STXBP5L: variants seen among roughly 807,000 people sequenced by gnomAD.
STXBP5L encodes the protein syntaxin-binding protein 5-like.
A neutral mutation model predicts 144.5 loss-of-function variants in STXBP5L; 65 were observed. That is an observed-to-expected ratio of 0.45 (90% confidence interval 0.37 to 0.55). The LOEUF (loss-of-function observed/expected upper bound fraction) is 0.55. Among genes scored for constraint, STXBP5L ranks in the 20% least tolerant of loss-of-function variants. STXBP5L has a pLI of 0.00. For missense variants in STXBP5L, 1,298 were observed against 1,405.5 expected (o/e 0.92, Z 1.22); for synonymous variants, 505 against 469.6 (o/e 1.08, Z -0.97).
At chr3:121,072,481 T>C (rs1299683137) in intron 5 of STXBP5L, among the ~76,000 whole-genome samples, 4 of 152,252 alleles carry the variant, frequency 2.6e-5, no homozygotes, top group Non-Finnish European at 5.9e-5. Context: ...CTTTCCTTGA[T>C]GAAACTGCTT....
chr3:121,412,610 T>C (rs2047137402), intron 23 of STXBP5L, among the ~76,000 whole-genome samples: 1 of 151,784 alleles, frequency 6.6e-6, no homozygotes, highest in African/African-American at 2.4e-5. Flanking sequence ...TTCCCAATTA[T>C]CTCTTAAAGT....
chr3:121,149,387 G>T (rs945544533), intron 7 of STXBP5L, among the ~76,000 whole-genome samples: 37 of 151,736 alleles, frequency 2.4e-4, no homozygotes, highest in African/African-American at 9.0e-4. Context: ...TTATTTAATG[G>T]GGAAACACTA....
chr3:121,334,471 T>C (rs888124123), intron 20 of STXBP5L, among the ~76,000 whole-genome samples: 1 of 151,836 alleles, frequency 6.6e-6, no homozygotes, highest in Non-Finnish European at 1.5e-5. Context: ...GACAATAGCC[T>C]TGATGGTCAT....
intron 20 of STXBP5L, among the ~76,000 whole-genome samples, chr3:121,347,975 C>T (rs1052278324): frequency 2.6e-5 from 4 of 152,126 alleles, no homozygotes; most frequent in African/African-American, 7.2e-5. Flanking sequence ...ATTGCCCTGG[C>T]CAGAACTTCC....
At chr3:121,047,426 G>A (rs1257412617) in intron 5 of STXBP5L, among the ~76,000 whole-genome samples, 1 of 152,000 alleles carries the variant, frequency 6.6e-6, no homozygotes, top group East Asian at 1.9e-4. Context: ...CTGACTGGAT[G>A]GTCTATCTAA....
intron 3 of STXBP5L, among the ~76,000 whole-genome samples, chr3:121,022,682 A>C (rs1945647757): frequency 6.6e-6 from 1 of 152,202 alleles, no homozygotes; most frequent in Admixed American, 6.5e-5. Flanking sequence ...CAATAGACAC[A>C]GAAAAGGCAT....
At chr3:121,266,329 C>T (rs1395085437) in intron 18 of STXBP5L, among the ~76,000 whole-genome samples, 1 of 152,200 alleles carries the variant, frequency 6.6e-6, no homozygotes, top group African/African-American at 2.4e-5. Flanking sequence ...TCAACATGTG[C>T]AAATCAATAA....
At chr3:121,031,609 C>G (rs1946375381) in intron 3 of STXBP5L, among the ~76,000 whole-genome samples, 1 of 151,938 alleles carries the variant, frequency 6.6e-6, no homozygotes, top group African/African-American at 2.4e-5. Flanking sequence ...GAAGGCCAAT[C>G]CATATTATGA....
chr3:121,155,075 C>A (rs567993997), intron 8 of STXBP5L, among the ~76,000 whole-genome samples: 1 of 151,890 alleles, frequency 6.6e-6, no homozygotes, highest in East Asian at 1.9e-4. Flanking sequence ...TCAATATATC[C>A]TTCATTAACA....
chr3:121,258,295 A>G (rs1272004946), intron 17 of STXBP5L, among the ~76,000 whole-genome samples: 3 of 152,214 alleles, frequency 2.0e-5, no homozygotes, highest in Non-Finnish European at 2.9e-5. Context: ...CTGCATATCT[A>G]CATTTGCCAC....
At chr3:121,134,720 G>A (rs1460884044) in intron 7 of STXBP5L, among the ~76,000 whole-genome samples, 9 of 152,218 alleles carry the variant, frequency 5.9e-5, no homozygotes, top group South Asian at 4.2e-4. Flanking sequence ...CCATGTCCCT[G>A]CAAAGGACAT....
At chr3:121,207,536 T>C (rs951091849) in intron 10 of STXBP5L, among the ~76,000 whole-genome samples, 10 of 152,178 alleles carry the variant, frequency 6.6e-5, no homozygotes, top group Non-Finnish European at 1.0e-4. Context: ...ACCATCATAG[T>C]GAACAGGCAA....
rs577434747 is a variant in STXBP5L at position 121,092,360 on chromosome 3, G to T, written c.471-22565G>T. Among the ~76,000 whole-genome samples, 17 of 152,104 alleles carry T rather than the reference G, an allele frequency of 1.1e-4. No individual in the cohort carries two copies. The East Asian group carries it at 2.9e-3, about 26-fold the overall frequency. On this transcript the variant is annotated intron_variant, in intron 5 of 26. Transcript: ENST00000471454. ...GCATTGAATCTATAAATTACCTTGG[G>T]CAGTATGGCCATTTTCACGATATTG...
chr3:121,364,979 G>T (rs1228990969), intron 20 of STXBP5L, among the ~76,000 whole-genome samples: 2 of 151,794 alleles, frequency 1.3e-5, no homozygotes, highest in East Asian at 3.9e-4. Context: ...GATCAGGTGG[G>T]TTTTTCCCCT....
intron 7 of STXBP5L, among the ~76,000 whole-genome samples, chr3:121,135,757 C>T (rs1174476017): frequency 6.6e-6 from 1 of 152,170 alleles, no homozygotes; most frequent in Admixed American, 6.5e-5. Flanking sequence ...TCCTAACAGG[C>T]CACAGACTGG....
At chr3:121,374,607 A>T (rs922434335) in intron 20 of STXBP5L, among the ~76,000 whole-genome samples, 1 of 152,202 alleles carries the variant, frequency 6.6e-6, no homozygotes, top group South Asian at 2.1e-4. Flanking sequence ...AAAGAGATAG[A>T]TATCATAAAA....
chr3:121,160,595 T>G (rs2046287460), intron 9 of STXBP5L, among the ~76,000 whole-genome samples: 1 of 152,106 alleles, frequency 6.6e-6, no homozygotes, highest in East Asian at 1.9e-4. Flanking sequence ...TGGATTTGGG[T>G]ATAGGAGGGG....
Position 121,005,801 on chromosome 3 carries a change from C to T in STXBP5L, c.288-35899C>T, listed in dbSNP as rs144701322. ...AACATCTTTATTTCTGCCTTCTTTTCGTCATGTACCCAGTAGTCATTCAGG... is the reference window on the plus strand; with the variant it reads ...AACATCTTTATTTCTGCCTTCTTTTTGTCATGTACCCAGTAGTCATTCAGG... On this transcript the variant is annotated intron_variant, in intron 3 of 26. Transcript: ENST00000471454. Among the ~76,000 whole-genome samples the T allele has an allele frequency of 3.4e-3, 523 of 152,252 alleles. 18 individuals carry two copies. In the East Asian group the frequency reaches 0.081, roughly 24 times the overall value.
At chr3:121,056,033 G>A (rs1948437915) in intron 5 of STXBP5L, among the ~76,000 whole-genome samples, 2 of 151,910 alleles carry the variant, frequency 1.3e-5, no homozygotes, top group Non-Finnish European at 2.9e-5. Flanking sequence ...TTGAACTACT[G>A]GGCTCAAGCT....
Sources: gnomAD v4.1 joint callset for allele counts (sites outside exome capture counted in the v4.1 genomes callset) on GRCh38, gnomAD v4.1.1 for gene constraint, MANE v1.5 for transcripts, NCBI Gene and HGNC (gene_info 2026-07-23, HGNC 2026-07-21) for gene names.